CYB5A: variants seen among roughly 807,000 people sequenced by gnomAD.
CYB5A encodes cytochrome b5.
A neutral mutation model predicts 16.2 loss-of-function variants in CYB5A; 10 were observed. The observed-to-expected ratio is 0.62, with a 90% CI of 0.38 to 1.04. CYB5A has a LOEUF of 1.04. Among genes scored for constraint, CYB5A ranks in the 50% least tolerant of loss-of-function variants. The pLI is 0.01. For missense variants in CYB5A, 161 were observed against 165.9 expected, an observed-to-expected ratio of 0.97 and a Z score of 0.16; for synonymous variants, 62 against 57.0, an observed-to-expected ratio of 1.09 and a Z score of -0.40.
intron 1 of CYB5A, among the ~76,000 whole-genome samples, chr18:74,270,983 G>A (rs1167968756): frequency 6.6e-6 from 1 of 152,136 alleles, no homozygotes; most frequent in Non-Finnish European, 1.5e-5. Flanking sequence ...CTTACACATT[G>A]GTTTTGTAAC....
chr18:74,256,620 A>T (rs1482547549), intron 3 of CYB5A: 1 of 574,002 alleles, frequency 1.7e-6, no homozygotes, highest in Non-Finnish European at 3.1e-6. Flanking sequence ...CCACACCAAC[A>T]TAAGCATTAG....
rs575753856 is a variant in CYB5A at position 74,285,813 on chromosome 18, C to T, written c.129+5934G>A. 4.9e-5 allele frequency among the ~76,000 whole-genome samples: 7 copies of T among 143,882 alleles called. 1 individual carries two copies. Among genetic ancestry groups the T allele is most frequent in the Middle Eastern group, 7.4e-3 (2 of 270 alleles). The allele number at this position is 143,882 out of a possible 152,430, so 94.4% of individuals were successfully genotyped here. A position where few individuals can be genotyped will look rare whatever the true frequency, so the allele number is the denominator to read the frequency against. ...GCTGCAGTGAGCTGAGATCACACCA[C>T]GGCCTGGGCAACACAGCAAGACCCC... On this transcript the variant is annotated intron_variant, in intron 1 of 4. Coordinates refer to ENST00000340533, the MANE Select transcript of CYB5A (RefSeq NM_148923.4).
chr18:74,285,531 G>C (rs1229782795), intron 1 of CYB5A, among the ~76,000 whole-genome samples: 1 of 152,250 alleles, frequency 6.6e-6, no homozygotes, highest in Non-Finnish European at 1.5e-5. Context: ...CCTAAGAACC[G>C]AGAAATGCAC....
intron 1 of CYB5A, among the ~76,000 whole-genome samples, chr18:74,265,210 CT>C (rs201545430): frequency 1.4e-4 from 21 of 151,628 alleles, no homozygotes; most frequent in African/African-American, 3.1e-4. Context: ...GACATCCACT[CT>C]TTTTTTTTCT....
chr18:74,266,229 T>G (rs542240966), intron 1 of CYB5A, among the ~76,000 whole-genome samples: 1 of 152,324 alleles, frequency 6.6e-6, no homozygotes, highest in South Asian at 2.1e-4. Context: ...AAAAGTCTGC[T>G]TAAGGTTGGA....
Position 74,269,988 on chromosome 18 carries a change from T to G in CYB5A, c.130-6511A>C, listed in dbSNP as rs559237330. 5.3e-5 allele frequency among the ~76,000 whole-genome samples: 8 copies of G among 152,258 alleles called. No homozygotes were observed. The East Asian group carries it at 1.4e-3, about 26-fold the overall frequency. ...AGGGGAGTTTCAGAGATGAAACAGATGCCTTCAGTGATATTCTAACAGTAA... is the reference window on the plus strand; with the variant it reads ...AGGGGAGTTTCAGAGATGAAACAGAGGCCTTCAGTGATATTCTAACAGTAA... On this transcript the variant is annotated intron_variant, in intron 1 of 4. Transcript: ENST00000340533.
chr18:74,281,657 G>T (rs754111270), intron 1 of CYB5A, among the ~76,000 whole-genome samples: 2 of 152,074 alleles, frequency 1.3e-5, no homozygotes, highest in East Asian at 3.9e-4. Flanking sequence ...TGGAGACCAG[G>T]CTTAACAACC....
chr18:74,291,622 C>T (rs568385916), intron 1 of CYB5A, 125 bp downstream of exon 1: 228 of 1,435,888 alleles, frequency 1.6e-4, no homozygotes, highest in Admixed American at 5.5e-4. Flanking sequence ...CGCAGGTGAG[C>T]GAACTCGGGG....
intron 4 of CYB5A, among the ~76,000 whole-genome samples, chr18:74,254,129 G>A (rs1322638602): frequency 3.3e-5 from 5 of 152,120 alleles, no homozygotes; most frequent in Non-Finnish European, 4.4e-5. Context: ...GCAGTGAGCC[G>A]AGATCACGCC....
At chr18:74,291,224 GGACACCC>G (rs1263296708) in intron 1 of CYB5A, among the ~76,000 whole-genome samples, 1 of 152,216 alleles carries the variant, frequency 6.6e-6, no homozygotes, top group Non-Finnish European at 1.5e-5. Context: ...GGTCCTGGAA[GGACACCC>G]TTCTATTCAA....
rs1983566921 is a variant in CYB5A, at chr18:74,291,928, G to C, written c.-53C>G. 7 of 1,604,208 alleles carry C rather than the reference G, an allele frequency of 4.4e-6. No homozygotes were observed. The African/African-American group carries it at 8.0e-5, about 18-fold the overall frequency. The stretch of plus-strand genomic sequence containing the variant: ...ACACACAGCCCCGTCGGGTGGAGCA[G>C]AGCGCGCGACTCAGCCAGCTCCACC... On this transcript the variant is annotated 5_prime_UTR_variant, in exon 1 of 5. Transcript: ENST00000340533.
At chr18:74,267,857 T>C (rs931296882) in intron 1 of CYB5A, among the ~76,000 whole-genome samples, 2 of 152,184 alleles carry the variant, frequency 1.3e-5, no homozygotes, top group African/African-American at 2.4e-5. Context: ...CCTCTACTCA[T>C]GCGACCATGT....
rs1337352114 is a variant in CYB5A, at chr18:74,251,059, AC to A, written c.*2524del. 6.6e-6 allele frequency: 1 copy of A among 151,820 alleles called. No individual in the cohort carries two copies. Among genetic ancestry groups the A allele is most frequent in the Non-Finnish European group, 1.5e-5 (1 of 68,060 alleles). The allele number at this position is 151,820 out of a possible 1,614,324, so 9.4% of individuals were successfully genotyped here. On this transcript the variant is annotated 3_prime_UTR_variant, in exon 5 of 5. Transcript: ENST00000340533. The stretch of plus-strand genomic sequence containing the variant: ...GTGGCATACGCCTGTAGTCCCAGCT[AC>A]TCAGGAGGCTGGGGCAGGAGAATCA...
At chr18:74,281,529 G>A (rs998193453) in intron 1 of CYB5A, among the ~76,000 whole-genome samples, 1 of 152,174 alleles carries the variant, frequency 6.6e-6, no homozygotes, top group African/African-American at 2.4e-5. Context: ...ATCTATGTCA[G>A]AGTCTGCTGA....
At chr18:74,271,616 A>G (rs1039305622) in intron 1 of CYB5A, among the ~76,000 whole-genome samples, 2 of 152,186 alleles carry the variant, frequency 1.3e-5, no homozygotes, top group African/African-American at 4.8e-5. Flanking sequence ...CAATCAAGCT[A>G]ATCACCATAT....
At chr18:74,282,555 C>T (rs187236629) in intron 1 of CYB5A, among the ~76,000 whole-genome samples, 4 of 152,288 alleles carry the variant, frequency 2.6e-5, no homozygotes, top group East Asian at 1.9e-4. Flanking sequence ...GCCCTCATCG[C>T]GTGGAAAAAG....
At chr18:74,272,658 C>A (rs774005923) in intron 1 of CYB5A, among the ~76,000 whole-genome samples, 17 of 152,140 alleles carry the variant, frequency 1.1e-4, no homozygotes, top group South Asian at 2.1e-4. Flanking sequence ...GTGCCTCACG[C>A]CTGTAATCCC....
intron 1 of CYB5A, among the ~76,000 whole-genome samples, chr18:74,285,405 G>A (rs988852348): frequency 6.6e-6 from 1 of 152,196 alleles, no homozygotes; most frequent in African/African-American, 2.4e-5. Context: ...TCACTTTTAA[G>A]AGAATTTATA....
chr18:74,255,251 G>A (rs1273499799), intron 4 of CYB5A, among the ~76,000 whole-genome samples: 3 of 152,130 alleles, frequency 2.0e-5, no homozygotes, highest in Non-Finnish European at 2.9e-5. Context: ...TGTGCACTTG[G>A]ACTATCATAA....
Sources: gnomAD v4.1 joint callset for allele counts (sites outside exome capture counted in the v4.1 genomes callset) on GRCh38, gnomAD v4.1.1 for gene constraint, MANE v1.5 for transcripts, NCBI Gene and HGNC (gene_info 2026-07-23, HGNC 2026-07-21) for gene names.